The following SOX5 variants were observed in gnomAD, a reference collection of about 807,000 sequenced individuals.
SOX5 encodes SRY-box transcription factor 5.
SOX5 carries 9 observed loss-of-function variants against 92.0 expected under a neutral mutation model. The observed-to-expected ratio is 0.10, with a 90% CI of 0.06 to 0.17. The LOEUF is 0.17. Among genes scored for constraint, SOX5 ranks in the 10% least tolerant of loss-of-function variants. SOX5 has a pLI of 1.00. For synonymous variants in SOX5, 344 were observed against 336.3 expected, an observed-to-expected ratio of 1.02 and a Z score of -0.25; for missense variants, 642 against 944.5, an observed-to-expected ratio of 0.68 and a Z score of 4.20.
At chr12:24,394,304 C>CAG (rs1959285131) in intron 1 of SOX5, among the ~76,000 whole-genome samples, 1 of 152,140 alleles carries the variant, frequency 6.6e-6, no homozygotes, top group South Asian at 2.1e-4. Context: ...AGAAACAGCA[C>CAG]AGAGAGGTGC....
intron 2 of SOX5, among the ~76,000 whole-genome samples, chr12:24,326,531 G>T (rs1950698033): frequency 6.6e-6 from 1 of 152,078 alleles, no homozygotes; most frequent in South Asian, 2.1e-4. Flanking sequence ...TAGTTGGTGA[G>T]TAAATATTTT....
chr12:24,427,458 C>A (rs1399418803), intron 1 of SOX5, among the ~76,000 whole-genome samples: 2 of 152,182 alleles, frequency 1.3e-5, no homozygotes, highest in Non-Finnish European at 2.9e-5. Flanking sequence ...GATTATATCA[C>A]ATGGGAGATA....
chr12:24,042,265 C>G (rs956239318), intron 4 of SOX5, among the ~76,000 whole-genome samples: 1 of 151,962 alleles, frequency 6.6e-6, no homozygotes, highest in South Asian at 2.1e-4. Flanking sequence ...AATAAATACG[C>G]ATTAACTTTA....
chr12:23,643,747 T>C (rs1277851848), intron 7 of SOX5, among the ~76,000 whole-genome samples: 1 of 152,146 alleles, frequency 6.6e-6, no homozygotes, highest in Non-Finnish European at 1.5e-5. Context: ...TGGAGGTCAC[T>C]GGCAACTGCA....
chr12:24,418,336 C>T (rs1965372461), intron 1 of SOX5, among the ~76,000 whole-genome samples: 1 of 152,210 alleles, frequency 6.6e-6, no homozygotes, highest in African/African-American at 2.4e-5. Flanking sequence ...TAATCCCATC[C>T]TCCTTGCCAG....
intron 4 of SOX5, 124 bp downstream of exon 4, chr12:23,755,514 C>G: frequency 1.5e-6 from 1 of 672,756 alleles, no homozygotes; most frequent in Non-Finnish European, 2.5e-6. Flanking sequence ...AAAGAAGAAA[C>G]CCTAAACACA....
chr12:24,157,608 G>A (rs1348502507), intron 4 of SOX5, among the ~76,000 whole-genome samples: 1 of 152,006 alleles, frequency 6.6e-6, no homozygotes, highest in African/African-American at 2.4e-5. Flanking sequence ...TATCCTATGG[G>A]TCAATGTACT....
At chr12:23,708,188 T>C (rs2091649717) in intron 6 of SOX5, among the ~76,000 whole-genome samples, 1 of 151,704 alleles carries the variant, frequency 6.6e-6, no homozygotes, top group African/African-American at 2.4e-5. Context: ...AACTATTTTT[T>C]TTTTTTCTTG....
chr12:24,005,106 G>C (rs1342877809), intron 4 of SOX5, among the ~76,000 whole-genome samples: 1 of 151,860 alleles, frequency 6.6e-6, no homozygotes, highest in Non-Finnish European at 1.5e-5. Context: ...ATGGGCATGA[G>C]GTATCTTTTT....
rs183490626 is a variant in SOX5, at chr12:23,934,512, T to C, written c.38+15052A>G. On this transcript the variant is annotated intron_variant, in intron 1 of 14. Transcript: ENST00000451604. ...CTAATATATAAAATACAAATGATTATACAACATGAATATTTTATTTTAAAT... is the reference window on the plus strand; with the variant it reads ...CTAATATATAAAATACAAATGATTACACAACATGAATATTTTATTTTAAAT... Among the ~76,000 whole-genome samples, 3 of 149,664 alleles carry C rather than the reference T, an allele frequency of 2.0e-5. No homozygotes were observed. The Admixed American group carries it at 2.0e-4, about 10-fold the overall frequency.
chr12:23,793,982 G>T (rs148513175), intron 3 of SOX5, among the ~76,000 whole-genome samples: 116 of 152,198 alleles, frequency 7.6e-4, no homozygotes, highest in African/African-American at 2.6e-3. Context: ...GGTGACTATG[G>T]CATATTTGTT....
intron 3 of SOX5, among the ~76,000 whole-genome samples, chr12:24,221,338 T>C (rs1347413270): frequency 6.6e-6 from 1 of 152,234 alleles, no homozygotes; most frequent in Non-Finnish European, 1.5e-5. Context: ...CTAAAATTAA[T>C]TTGTTTTATA....
chr12:23,726,148 A>T (rs1332327542), intron 6 of SOX5, among the ~76,000 whole-genome samples: 8 of 28,236 alleles, frequency 2.8e-4, no homozygotes, highest in African/African-American at 5.3e-4. Flanking sequence ...AGAGAGAGAG[A>T]GAGAGAGAGA....
chr12:24,038,377 C>A (rs964846173), intron 4 of SOX5, among the ~76,000 whole-genome samples: 1 of 152,158 alleles, frequency 6.6e-6, no homozygotes, highest in Admixed American at 6.5e-5. Context: ...GGGAATTGCT[C>A]TATTGTGATT....
chr12:23,839,758 A>C (rs1213208533), intron 3 of SOX5, among the ~76,000 whole-genome samples: 1 of 152,040 alleles, frequency 6.6e-6, no homozygotes, highest in Non-Finnish European at 1.5e-5. Context: ...AATATTTGAC[A>C]AATTCTAACA....
intron 3 of SOX5, among the ~76,000 whole-genome samples, chr12:23,767,837 AT>A (rs1567603770): frequency 5.9e-5 from 9 of 151,778 alleles, no homozygotes; most frequent in East Asian, 1.9e-4. Context: ...ATATATATAT[AT>A]ATATAATAAA....
chr12:24,530,426 A>G (rs553847821), intron 1 of SOX5, among the ~76,000 whole-genome samples: 1 of 152,314 alleles, frequency 6.6e-6, no homozygotes, highest in Admixed American at 6.5e-5. Context: ...TATTTAAGCC[A>G]TTATAAGGTG....
chr12:24,478,143 C>G (rs911160008), intron 1 of SOX5, among the ~76,000 whole-genome samples: 3 of 152,166 alleles, frequency 2.0e-5, no homozygotes, highest in African/African-American at 4.8e-5. Context: ...ATTGAAAAAG[C>G]TTTTAAATTA....
intron 4 of SOX5, among the ~76,000 whole-genome samples, chr12:24,031,045 A>T (rs1955447197): frequency 6.6e-6 from 1 of 151,880 alleles, no homozygotes; most frequent in African/African-American, 2.4e-5. Context: ...AAAGGTAACA[A>T]GTGTTGGCAA....
Sources: gnomAD v4.1 joint callset for allele counts (sites outside exome capture counted in the v4.1 genomes callset) on GRCh38, gnomAD v4.1.1 for gene constraint, MANE v1.5 for transcripts, NCBI Gene and HGNC (gene_info 2026-07-23, HGNC 2026-07-21) for gene names.